USP43: variants seen among roughly 807,000 people sequenced by gnomAD.
The protein encoded by USP43 is ubiquitin specific peptidase 43, also known as ubiquitin carboxyl-terminal hydrolase 43.
USP43 carries 33 observed loss-of-function variants against 90.7 expected under a neutral mutation model. The ratio of observed to expected loss-of-function variants is 0.36; its 90% CI spans 0.28 to 0.49. USP43 has a LOEUF of 0.49. Ranked by LOEUF, USP43 falls within the 20% of genes least tolerant of loss-of-function variation. The pLI, the probability that USP43 is intolerant of heterozygous loss-of-function variation, is 0.98. For missense variants in USP43, 1,274 were observed against 1,476.4 expected, an observed-to-expected ratio of 0.86 and a Z score of 2.25; for synonymous variants, 598 against 615.8, an observed-to-expected ratio of 0.97 and a Z score of 0.43.
At chr17:9,652,353 T>C (rs1440574661) in intron 1 of USP43, among the ~76,000 whole-genome samples, 2 of 151,926 alleles carry the variant, frequency 1.3e-5, no homozygotes, top group Non-Finnish European at 2.9e-5. Context: ...TCCATAGACT[T>C]TCTTTTTTTT....
chr17:9,652,044 T>C (rs1266428409), intron 1 of USP43, among the ~76,000 whole-genome samples: 1 of 151,788 alleles, frequency 6.6e-6, no homozygotes, highest in East Asian at 1.9e-4. Context: ...GTTTGGGAAA[T>C]AAAACATACA....
chr17:9,671,436 G>T lies in USP43; in HGVS notation c.741-3455G>T, dbSNP rs1480261621. On this transcript the variant is annotated intron_variant, in intron 3 of 14. Transcript: ENST00000285199. ...CATAATTACTGTTGTTTGCATAGAC[G>T]TCAGATCCACTGTTCAGTGAGCAGG... Among the ~76,000 whole-genome samples the T allele has an allele frequency of 3.3e-5, 5 of 152,154 alleles. No homozygotes were observed. The South Asian group carries it at 8.3e-4, about 25-fold the overall frequency.
chr17:9,705,325 G>T (rs1597874496), intron 12 of USP43, among the ~76,000 whole-genome samples: 11 of 144,126 alleles, frequency 7.6e-5, no homozygotes, highest in African/African-American at 5.1e-5. Context: ...AATCTGTCTT[G>T]GAAATCTTTT....
intron 1 of USP43, among the ~76,000 whole-genome samples, chr17:9,652,212 C>CAAAAAAAAAAAAAAAAAAAAAA (rs769295315): frequency 4.7e-5 from 2 of 42,728 alleles, no homozygotes; most frequent in African/African-American, 1.8e-4. Flanking sequence ...GCCCTTAGCG[C>CAAAAAAAAAAAAAAAAAAAAAA]AAAAAAAAAA....
intron 14 of USP43, among the ~76,000 whole-genome samples, chr17:9,718,196 C>A (rs1315119926): frequency 6.6e-6 from 1 of 152,108 alleles, no homozygotes; most frequent in Non-Finnish European, 1.5e-5. Context: ...AGGAGCTTAA[C>A]TATTATTTAT....
chr17:9,645,833 A>G lies in USP43; in HGVS notation c.201A>G (p.Pro67=), dbSNP rs548183484. ...GGGGCTTCGCCTGCGCCCCGGGCCC[A>G]GTTCCAGCGGCCCCCGGGAGCCCCG... is the stretch of plus-strand genomic sequence containing the variant. ...GEGGFACAPG[P]VPAAPGSPGE... Residue 67 remains proline, a synonymous_variant, in exon 1 of 15, where the codon CCA becomes CCG. Coordinates refer to ENST00000285199, the MANE Select transcript of USP43 (RefSeq NM_153210.5). This position sits in a 1 kb window ranked among gnomAD's most constrained non-coding sequence, Gnocchi z 6.8. 1.3e-4 allele frequency: 183 copies of G among 1,400,288 alleles called. 2 individuals are homozygous for G. In the African/African-American group the frequency reaches 2.3e-3, roughly 18 times the overall value. The allele number at this position is 1,400,288 out of a possible 1,614,324, so 86.7% of individuals were successfully genotyped here.
Position 9,728,567 on chromosome 17 carries a change from A to T in USP43, c.2949A>T (p.Arg983=). The change falls in exon 15 of 15, where the codon CGA becomes CGT. Residue 983 remains arginine (R), a synonymous_variant. Coordinates refer to ENST00000285199, the MANE Select transcript of USP43 (RefSeq NM_153210.5). The surrounding 1 kb of genome is among the most constrained non-coding windows in gnomAD (Gnocchi z 6.2). ...GFSGNSKDSR[R]GTSELDRPLQ... ...CTGGAAACAGCAAAGACAGTCGCCGAGGCACCTCTGAGCTAGACAGACCCC... is the reference window on the plus strand; with the variant it reads ...CTGGAAACAGCAAAGACAGTCGCCGTGGCACCTCTGAGCTAGACAGACCCC... 1 of 1,614,004 alleles carries T rather than the reference A, an allele frequency of 6.2e-7. No individual in the cohort carries two copies. Among genetic ancestry groups the T allele is most frequent in the Non-Finnish European group, 8.5e-7 (1 of 1,179,898 alleles).
chr17:9,721,720 A>ATTTT (rs11340592), intron 14 of USP43, among the ~76,000 whole-genome samples: 3,953 of 118,986 alleles, frequency 0.033, 126 homozygotes, highest in East Asian at 0.19. Flanking sequence ...GTATAGCTGT[A>ATTTT]TTTTTTTTTT....
intron 3 of USP43, among the ~76,000 whole-genome samples, chr17:9,669,076 C>G (rs888069455): frequency 6.6e-6 from 1 of 151,876 alleles, no homozygotes; most frequent in Non-Finnish European, 1.5e-5. Context: ...GAACTCCTGA[C>G]CTTGTGATCC....
chr17:9,691,452 T>A (rs2151982089), intron 8 of USP43, among the ~76,000 whole-genome samples: 1 of 152,272 alleles, frequency 6.6e-6, no homozygotes, highest in African/African-American at 2.4e-5. Context: ...TATTCTGTTG[T>A]GTATATATCC....
chr17:9,653,233 G>C (rs1912000201), intron 1 of USP43, among the ~76,000 whole-genome samples: 1 of 152,172 alleles, frequency 6.6e-6, no homozygotes, highest in South Asian at 2.1e-4. Flanking sequence ...AGAGTGTCAG[G>C]CTTAAAAGAT....
At chr17:9,725,521 T>C (rs1281305469) in intron 14 of USP43, among the ~76,000 whole-genome samples, 1 of 152,146 alleles carries the variant, frequency 6.6e-6, no homozygotes, top group Non-Finnish European at 1.5e-5. Context: ...TCCCTTCTGT[T>C]CTTATGCTGC....
At chr17:9,683,520 C>G (rs1477149366) in intron 7 of USP43, among the ~76,000 whole-genome samples, 2 of 152,020 alleles carry the variant, frequency 1.3e-5, no homozygotes, top group African/African-American at 4.8e-5. Flanking sequence ...AATAATTAAA[C>G]TATTATTAAT....
At chr17:9,657,807 T>A (rs563807586) in intron 2 of USP43, among the ~76,000 whole-genome samples, 1 of 152,278 alleles carries the variant, frequency 6.6e-6, no homozygotes, top group East Asian at 1.9e-4. Flanking sequence ...GTGGGGATTA[T>A]GGGGATTATA....
At chr17:9,698,910 G>A (rs772182370) in intron 9 of USP43, among the ~76,000 whole-genome samples, 5 of 152,176 alleles carry the variant, frequency 3.3e-5, no homozygotes, top group Admixed American at 6.5e-5. Flanking sequence ...TTACGTACCC[G>A]CAGACCTCTG....
intron 10 of USP43, among the ~76,000 whole-genome samples, chr17:9,700,583 T>G (rs1915513244): frequency 2.0e-5 from 3 of 152,184 alleles, no homozygotes; most frequent in Non-Finnish European, 4.4e-5. Flanking sequence ...TATTTAATCT[T>G]AATCACACCC....
intron 9 of USP43, among the ~76,000 whole-genome samples, chr17:9,694,598 C>CT (rs1469792416): frequency 2.6e-5 from 4 of 151,932 alleles, no homozygotes; most frequent in African/African-American, 9.7e-5. Context: ...CCCCCCATTA[C>CT]TTTTTTATTA....
chr17:9,715,679 CTGTGTGTATG>C (rs1916480709), intron 14 of USP43, among the ~76,000 whole-genome samples: 1 of 122,144 alleles, frequency 8.2e-6, no homozygotes, highest in African/African-American at 3.3e-5. Flanking sequence ...GTGTGTGTGT[CTGTGTGTATG>C]TGTGTGTGTC....
At position 9,700,204 on chromosome 17, in the gene USP43, C is replaced by T. The variant is rs1272045347; in HGVS notation, c.1490C>T (p.Pro497Leu). 4 of 1,607,330 alleles carry T rather than the reference C, an allele frequency of 2.5e-6. No individual in the cohort carries two copies. The highest frequency in any genetic ancestry group is 3.4e-6 in the Non-Finnish European group (4 of 1,177,128). The change falls in exon 10 of 15, where the codon CCA (proline) becomes CTA (leucine). Residue 497 changes from proline (P) to leucine (L), a missense_variant. By Grantham distance (98) the Pro-to-Leu change is moderately conservative (BLOSUM62 -3). Transcript: ENST00000285199. Reference protein sequence around the residue: ...VLHLRRPGGPPHVKLAVEWDS... With the variant: ...VLHLRRPGGPLHVKLAVEWDS... ...CATCTCAGGAGGCCAGGAGGCCCTCCACATGTCAAGCTGGCGGTGGAGTGG... is the reference window on the plus strand; with the variant it reads ...CATCTCAGGAGGCCAGGAGGCCCTCTACATGTCAAGCTGGCGGTGGAGTGG...
Sources: gnomAD v4.1 joint callset for allele counts (sites outside exome capture counted in the v4.1 genomes callset) on GRCh38, gnomAD v4.1.1 for gene constraint, Gnocchi (gnomAD v3.1) non-coding constraint, MANE v1.5 for transcripts, NCBI Gene and HGNC (gene_info 2026-07-23, HGNC 2026-07-21) for gene names.